The following KIF6 variants were observed in gnomAD, a reference collection of about 807,000 sequenced individuals.
KIF6 encodes kinesin-like protein KIF6.
In KIF6, 106 loss-of-function variants were observed where a neutral mutation model predicts 112.7. That is an observed-to-expected ratio of 0.94 (90% confidence interval 0.80 to 1.11). The LOEUF (loss-of-function observed/expected upper bound fraction) is 1.11, where lower values mean the gene tolerates loss of function less well. Among genes scored for constraint, KIF6 ranks in the 50% least tolerant of loss-of-function variants. The probability of loss-of-function intolerance (pLI) is 0.00; values close to 1 mark genes in which losing one functional copy is unlikely to be tolerated. For missense variants in KIF6, 929 were observed against 964.0 expected (o/e 0.96, Z 0.48); for synonymous variants, 339 against 339.9 (o/e 1.00, Z 0.03).
At chr6:39,444,068 A>C (rs184212894) in intron 13 of KIF6, among the ~76,000 whole-genome samples, 1 of 152,336 alleles carries the variant, frequency 6.6e-6, no homozygotes, top group East Asian at 1.9e-4. Flanking sequence ...TAGAGGCATT[A>C]CATATGTTCT....
chr6:39,532,883 G>A (rs1778152622), intron 13 of KIF6, among the ~76,000 whole-genome samples: 1 of 152,172 alleles, frequency 6.6e-6, no homozygotes, highest in South Asian at 2.1e-4. Context: ...TCCTCAATGT[G>A]TTTAAGGGAA....
rs190229191 is a variant in KIF6 at position 39,499,185 on chromosome 6, C to T, written c.1645+40818G>A. 1.4e-4 allele frequency among the ~76,000 whole-genome samples: 21 copies of T among 152,258 alleles called. No individual in the cohort carries two copies. In the East Asian group the frequency reaches 2.9e-3, roughly 21 times the overall value. On this transcript the variant is annotated intron_variant, in intron 13 of 22. Coordinates refer to ENST00000287152, the MANE Select transcript of KIF6 (RefSeq NM_145027.6). Reference sequence around the variant, plus strand: ...GGGTTAGAGTCCCATAGGGTACAGGCCCCTAGCCAGGTGGTTAAAACTGCA... The same window carrying T: ...GGGTTAGAGTCCCATAGGGTACAGGTCCCTAGCCAGGTGGTTAAAACTGCA...
At chr6:39,644,393 C>G (rs1168275599) in intron 3 of KIF6, among the ~76,000 whole-genome samples, 1 of 151,928 alleles carries the variant, frequency 6.6e-6, no homozygotes, top group Non-Finnish European at 1.5e-5. Flanking sequence ...CATTATTTAG[C>G]CAAAAAGTGG....
At chr6:39,416,854 C>G (rs1017767603) in intron 15 of KIF6, among the ~76,000 whole-genome samples, 1 of 152,084 alleles carries the variant, frequency 6.6e-6, no homozygotes, top group African/African-American at 2.4e-5. Flanking sequence ...TTCACAAATA[C>G]AGCTTTTGTT....
chr6:39,347,884 A>T lies in KIF6; in HGVS notation c.2181-1358T>A, dbSNP rs192189754. On this transcript the variant is annotated intron_variant, in intron 19 of 22. Coordinates refer to ENST00000287152, the MANE Select transcript of KIF6 (RefSeq NM_145027.6). ...AAGAAAAGACACCAGAGCCTGGGGAAGCCCCCCCTCACCCACCAATGTCCA... is the reference window on the plus strand; with the variant it reads ...AAGAAAAGACACCAGAGCCTGGGGATGCCCCCCCTCACCCACCAATGTCCA... Among the ~76,000 whole-genome samples, 441 of 152,322 alleles carry T rather than the reference A, an allele frequency of 2.9e-3. 3 individuals carry two copies. Among genetic ancestry groups the T allele is most frequent in the African/African-American group, 0.01 (418 of 41,582 alleles).
intron 13 of KIF6, among the ~76,000 whole-genome samples, chr6:39,490,326 G>A (rs1775400703): frequency 6.6e-6 from 1 of 152,218 alleles, no homozygotes; most frequent in Admixed American, 6.5e-5. Flanking sequence ...TCAAGTAAGG[G>A]AAAATACGGA....
At chr6:39,358,607 G>A (rs972120248) in intron 18 of KIF6, among the ~76,000 whole-genome samples, 1 of 152,126 alleles carries the variant, frequency 6.6e-6, no homozygotes, top group Non-Finnish European at 1.5e-5. Context: ...GGACTCCCTC[G>A]GGCACCAGCT....
In KIF6 at chr6:39,639,765, A is replaced by G; in HGVS notation, c.252-8T>C. 6.2e-7 allele frequency: 1 copy of G among 1,605,936 alleles called. No homozygotes were observed. Among genetic ancestry groups the G allele is most frequent in the Non-Finnish European group, 8.5e-7 (1 of 1,176,922 alleles). On this transcript the variant is annotated splice_polypyrimidine_tract_variant and splice_region_variant and intron_variant, in intron 3 of 22. Transcript: ENST00000287152. Reference sequence around the variant, plus strand: ...TTGTAACCTGCCAGGACACTGCAATAAAGAAATGACACACTTTCAATATCA... The same window carrying G: ...TTGTAACCTGCCAGGACACTGCAATGAAGAAATGACACACTTTCAATATCA...
chr6:39,386,489 T>A (rs958233912), intron 15 of KIF6, among the ~76,000 whole-genome samples: 1 of 152,198 alleles, frequency 6.6e-6, no homozygotes, highest in Non-Finnish European at 1.5e-5. Context: ...GCTTTATTTT[T>A]ATCTTGCTCC....
intron 13 of KIF6, among the ~76,000 whole-genome samples, chr6:39,521,756 A>G (rs940504453): frequency 1.2e-4 from 19 of 152,164 alleles, no homozygotes; most frequent in Non-Finnish European, 2.5e-4. Context: ...TCATCCAGGA[A>G]GAGTTCATTT....
At chr6:39,580,184 T>C (rs1033570548) in intron 9 of KIF6, among the ~76,000 whole-genome samples, 1 of 152,110 alleles carries the variant, frequency 6.6e-6, no homozygotes, top group African/African-American at 2.4e-5. Context: ...ATCTATAATT[T>C]TCTTTTTAAA....
At chr6:39,644,620 G>A (rs1336110764) in intron 3 of KIF6, among the ~76,000 whole-genome samples, 1 of 147,982 alleles carries the variant, frequency 6.8e-6, no homozygotes, top group Non-Finnish European at 1.5e-5. Context: ...ATTCCATAGA[G>A]ATAGAAAGTA....
In KIF6 at chr6:39,342,624, TTTTTTTA is replaced by T. The variant is rs1447175465; in HGVS notation, c.2428+1078_2428+1084del. On this transcript the variant is annotated intron_variant, in intron 22 of 22. Transcript: ENST00000287152. This position sits in a 1 kb window ranked among gnomAD's most constrained non-coding sequence, Gnocchi z 4.7. ...TTATTTTTTTTTATTTTTTTTTATT[TTTTTTTA>T]TTTTTAGACAAGGAAACTGAGAATG... Among the ~76,000 whole-genome samples, 140 of 134,460 alleles carry T rather than the reference TTTTTTTA, an allele frequency of 1.0e-3. 16 individuals are homozygous for T. Among genetic ancestry groups the T allele is most frequent in the African/African-American group, 3.7e-3 (127 of 34,594 alleles). The allele number at this position is 134,460 out of a possible 152,430, so 88.2% of individuals were successfully genotyped here. A position where few individuals can be genotyped will look rare whatever the true frequency, so the allele number is the denominator to read the frequency against.
At chr6:39,717,284 C>G (rs1470198070) in intron 2 of KIF6, among the ~76,000 whole-genome samples, 1 of 152,144 alleles carries the variant, frequency 6.6e-6, no homozygotes, top group African/African-American at 2.4e-5. Flanking sequence ...CATGCTTACT[C>G]TACTCATGCT....
chr6:39,428,680 C>CT (rs897424258), intron 14 of KIF6, among the ~76,000 whole-genome samples: 14 of 152,152 alleles, frequency 9.2e-5, no homozygotes, highest in Non-Finnish European at 1.6e-4. Context: ...TAAAGTATAC[C>CT]TTTTTTGCTA....
intron 3 of KIF6, among the ~76,000 whole-genome samples, chr6:39,703,540 G>A (rs1210068159): frequency 6.6e-6 from 1 of 152,056 alleles, no homozygotes; most frequent in African/African-American, 2.4e-5. Context: ...TATTCTTAGT[G>A]TTATCAATTA....
chr6:39,550,052 T>A (rs1257767265), intron 10 of KIF6, among the ~76,000 whole-genome samples: 2 of 152,132 alleles, frequency 1.3e-5, no homozygotes, highest in African/African-American at 4.8e-5. Flanking sequence ...ACATTCATCA[T>A]CTTTTGTTGA....
chr6:39,381,580 G>C (rs1349413428), intron 16 of KIF6, among the ~76,000 whole-genome samples: 1 of 152,234 alleles, frequency 6.6e-6, no homozygotes, highest in South Asian at 2.1e-4. Flanking sequence ...GAGAGTTAAG[G>C]TTCTATAAGC....
intron 3 of KIF6, among the ~76,000 whole-genome samples, chr6:39,659,059 T>C (rs1785971411): frequency 6.6e-6 from 1 of 152,192 alleles, no homozygotes; most frequent in Non-Finnish European, 1.5e-5. Flanking sequence ...TAGTATTAAA[T>C]AGCTCTGTCA....
Sources: allele counts gnomAD v4.1 joint callset (sites outside exome capture counted in the v4.1 genomes callset), GRCh38; gene constraint gnomAD v4.1.1; non-coding constraint Gnocchi (gnomAD v3.1); transcripts MANE v1.5; gene names NCBI Gene and HGNC (gene_info 2026-07-23, HGNC 2026-07-21).